FGGY: variants seen among roughly 807,000 people sequenced by gnomAD.
The protein encoded by FGGY is FGGY carbohydrate kinase domain containing, also known as FGGY carbohydrate kinase domain-containing protein.
FGGY carries 72 observed loss-of-function variants against 71.3 expected under a neutral mutation model. The ratio of observed to expected loss-of-function variants is 1.01; its 90% CI spans 0.84 to 1.23. FGGY has a LOEUF of 1.23. FGGY is among the 50% of genes most tolerant of loss of function. The pLI is 0.00. For synonymous variants in FGGY, 251 were observed against 250.3 expected (o/e 1.00, Z -0.02); for missense variants, 668 against 682.3 (o/e 0.98, Z 0.23).
At chr1:59,498,550 C>T (rs2094120993) in intron 6 of FGGY, among the ~76,000 whole-genome samples, 7 of 152,036 alleles carry the variant, frequency 4.6e-5, no homozygotes, top group Admixed American at 3.3e-4. Context: ...CCTTGGTGTG[C>T]GTCAAAATCA....
intron 14 of FGGY, among the ~76,000 whole-genome samples, chr1:59,705,943 CTG>C (rs2097754939): frequency 6.6e-6 from 1 of 152,154 alleles, no homozygotes; most frequent in Admixed American, 6.5e-5. Flanking sequence ...GCTTGAGAGT[CTG>C]AGGCAATTTC....
rs567257792 is a variant in FGGY at position 59,372,309 on chromosome 1, A to G, written c.466-6440A>G. On this transcript the variant is annotated intron_variant, in intron 4 of 15. Transcript: ENST00000303721. ...TACGCAAATAAACTAGAAAATCTAG[A>G]AGAAATGGATAAATTACTTGACACA... is the stretch of plus-strand genomic sequence containing the variant. 8.4e-4 allele frequency among the ~76,000 whole-genome samples: 128 copies of G among 152,366 alleles called. 1 individual carries two copies. The Middle Eastern group carries it at 0.014, about 16-fold the overall frequency.
chr1:59,577,733 TC>T (rs1282883989), intron 8 of FGGY, among the ~76,000 whole-genome samples: 1 of 152,176 alleles, frequency 6.6e-6, no homozygotes, highest in Non-Finnish European at 1.5e-5. Context: ...AAAAGGTATT[TC>T]ATTTCATAAG....
chr1:59,651,782 T>A (rs1488856244), intron 11 of FGGY, among the ~76,000 whole-genome samples: 1 of 151,154 alleles, frequency 6.6e-6, no homozygotes, highest in East Asian at 1.9e-4. Flanking sequence ...TGTGTGAATT[T>A]GATCCTGTCA....
At chr1:59,349,363 G>C (rs1261268570) in intron 4 of FGGY, among the ~76,000 whole-genome samples, 2 of 152,146 alleles carry the variant, frequency 1.3e-5, no homozygotes, top group African/African-American at 4.8e-5. Context: ...AGAAAGAAAA[G>C]TTATACTGAG....
intron 1 of FGGY, among the ~76,000 whole-genome samples, chr1:59,298,891 T>G (rs1251126297): frequency 1.3e-5 from 2 of 152,194 alleles, no homozygotes; most frequent in African/African-American, 4.8e-5. Flanking sequence ...ATGTATTCAT[T>G]TGTTCACTCA....
At chr1:59,354,753 G>T (rs1371470300) in intron 4 of FGGY, among the ~76,000 whole-genome samples, 4 of 152,218 alleles carry the variant, frequency 2.6e-5, no homozygotes, top group African/African-American at 9.7e-5. Context: ...TGGGAACTTA[G>T]AGTCTAGTGT....
At position 59,488,697 on chromosome 1, in the gene FGGY, G is replaced by A. The variant is rs1054646365; in HGVS notation, c.671-23614G>A. On this transcript the variant is annotated intron_variant, in intron 6 of 15. Coordinates refer to ENST00000303721, the MANE Select transcript of FGGY (RefSeq NM_018291.5). Reference sequence around the variant, plus strand: ...TACAGCTTTTAATTTACTGTGTAACGATTTTTAAAACAACACTTTTCTTGT... The same window carrying A: ...TACAGCTTTTAATTTACTGTGTAACAATTTTTAAAACAACACTTTTCTTGT... Among the ~76,000 whole-genome samples the A allele has an allele frequency of 5.3e-5, 8 of 151,678 alleles. No homozygotes were observed. The East Asian group carries it at 1.2e-3, about 22-fold the overall frequency.
At chr1:59,462,256 T>C (rs1289803864) in intron 6 of FGGY, among the ~76,000 whole-genome samples, 5 of 152,186 alleles carry the variant, frequency 3.3e-5, no homozygotes, top group South Asian at 4.1e-4. Context: ...GCTAGCCATA[T>C]GTAGAAAGCT....
intron 6 of FGGY, among the ~76,000 whole-genome samples, chr1:59,501,940 A>G (rs1305258752): frequency 6.6e-6 from 1 of 152,206 alleles, no homozygotes; most frequent in African/African-American, 2.4e-5. Flanking sequence ...TACACTGGGA[A>G]TAGGGAGTCA....
intron 1 of FGGY, among the ~76,000 whole-genome samples, chr1:59,306,939 C>T (rs1028390388): frequency 2.0e-5 from 3 of 152,166 alleles, no homozygotes; most frequent in Non-Finnish European, 4.4e-5. Flanking sequence ...GCTAAACAGG[C>T]TATGGGAGAG....
chr1:59,656,765 T>A (rs928950944), intron 11 of FGGY, among the ~76,000 whole-genome samples: 10 of 152,190 alleles, frequency 6.6e-5, no homozygotes, highest in Admixed American at 5.9e-4. Context: ...TAGAATTTCT[T>A]CCCAGGAATA....
intron 7 of FGGY, among the ~76,000 whole-genome samples, chr1:59,545,142 G>T (rs1185908923): frequency 6.6e-6 from 1 of 152,146 alleles, no homozygotes; most frequent in African/African-American, 2.4e-5. Flanking sequence ...TGCTAGACTG[G>T]GATCTTGTAG....
At chr1:59,333,315 G>A (rs2048858401) in intron 2 of FGGY, among the ~76,000 whole-genome samples, 1 of 152,168 alleles carries the variant, frequency 6.6e-6, no homozygotes, top group Non-Finnish European at 1.5e-5. Context: ...GTTAGGGCTG[G>A]GTGATTGATT....
At chr1:59,656,775 A>G (rs546074483) in intron 11 of FGGY, among the ~76,000 whole-genome samples, 12 of 152,118 alleles carry the variant, frequency 7.9e-5, no homozygotes, top group Non-Finnish European at 1.3e-4. Context: ...TCCCAGGAAT[A>G]ATTTTGTCTC....
intron 4 of FGGY, among the ~76,000 whole-genome samples, chr1:59,361,213 T>C (rs1159514804): frequency 6.6e-6 from 1 of 152,228 alleles, no homozygotes; most frequent in Non-Finnish European, 1.5e-5. Flanking sequence ...CAAATATTTA[T>C]TGAAAATTTG....
chr1:59,593,335 CAG>C (rs2096480585), intron 8 of FGGY, among the ~76,000 whole-genome samples: 1 of 152,196 alleles, frequency 6.6e-6, no homozygotes, highest in African/African-American at 2.4e-5. Flanking sequence ...TCAAGAAAAA[CAG>C]AATTCTATTT....
intron 14 of FGGY, among the ~76,000 whole-genome samples, chr1:59,753,732 G>A (rs1349429669): frequency 6.6e-6 from 1 of 151,330 alleles, no homozygotes; most frequent in East Asian, 1.9e-4. Context: ...GTTATATGGA[G>A]CAAACAAAAA....
chr1:59,359,903 A>G (rs1328696588), intron 4 of FGGY, among the ~76,000 whole-genome samples: 3 of 152,116 alleles, frequency 2.0e-5, no homozygotes, highest in African/African-American at 4.8e-5. Flanking sequence ...GAGCTGCCTA[A>G]GTGGCTCTAT....
Sources: allele counts gnomAD v4.1 joint callset (sites outside exome capture counted in the v4.1 genomes callset), GRCh38; gene constraint gnomAD v4.1.1; transcripts MANE v1.5; gene names NCBI Gene and HGNC (gene_info 2026-07-23, HGNC 2026-07-21).